Variants in NAPG observed in about 807,000 individuals in gnomAD.
NAPG encodes the protein gamma-soluble NSF attachment protein.
NAPG carries 25 observed loss-of-function variants against 48.4 expected under a neutral mutation model. The ratio of observed to expected loss-of-function variants is 0.52; its 90% CI spans 0.38 to 0.72. NAPG has a LOEUF of 0.72. NAPG is among the 30% of genes least tolerant of loss of function. The pLI, the probability that NAPG is intolerant of heterozygous loss-of-function variation, is 0.00. For missense variants in NAPG, 359 were observed against 372.5 expected (o/e 0.96, Z 0.30); for synonymous variants, 139 against 127.2 (o/e 1.09, Z -0.62).
At position 10,534,208 on chromosome 18, in the gene NAPG, C is replaced by T. The variant is rs1182349771; in HGVS notation, c.228-258C>T. Among the ~76,000 whole-genome samples the T allele has an allele frequency of 2.0e-5, 3 of 152,270 alleles. No homozygotes were observed. Among genetic ancestry groups the T allele is most frequent in the Admixed American group, 2.0e-4 (3 of 15,296 alleles). ...GTTTGTCAGATGGAAATTAATTTAA[C>T]CTTACTGAGCCTTACTTAATTTTGC... On this transcript the variant is annotated intron_variant, in intron 4 of 11. Transcript: ENST00000322897. The surrounding 1 kb of genome is among the most constrained non-coding windows in gnomAD (Gnocchi z 5.0).
In NAPG at chr18:10,534,511, G is replaced by A; in HGVS notation, c.258+15G>A. The stretch of plus-strand genomic sequence containing the variant: ...TGATGTTGAAGGTCAGTAATGTTAT[G>A]TCACAATTGTTGTGTAGGTAAAATG... On this transcript the variant is annotated intron_variant, in intron 5 of 11. Transcript: ENST00000322897. The surrounding 1 kb of genome is among the most constrained non-coding windows in gnomAD (Gnocchi z 5.0). 6.2e-7 allele frequency: 1 copy of A among 1,611,818 alleles called. No individual in the cohort carries two copies.
chr18:10,550,821 A>C lies in NAPG; in HGVS notation c.*601A>C, dbSNP rs975997882. 1 of 152,214 alleles carries C rather than the reference A, an allele frequency of 6.6e-6. No individual in the cohort carries two copies. The highest frequency in any genetic ancestry group is 1.5e-5 in the Non-Finnish European group (1 of 68,064). 9.4% of individuals were successfully genotyped at this position (152,214 alleles called of 1,614,324 possible). On this transcript the variant is annotated 3_prime_UTR_variant, in exon 12 of 12. Transcript: ENST00000322897. Reference sequence around the variant, plus strand: ...CTCTTATATATTATGAGTTTGAAAAATTTTGAAGGTAGCATATTGAAGTGA... The same window carrying C: ...CTCTTATATATTATGAGTTTGAAAACTTTTGAAGGTAGCATATTGAAGTGA...
At chr18:10,533,449 T>G in intron 3 of NAPG, 87 bp from the exon 4 acceptor site, 2 of 1,211,830 alleles carry the variant, frequency 1.7e-6, no homozygotes. Context: ...GTCAGTGATT[T>G]AGTTAACTGT....
intron 8 of NAPG, 119 bp downstream of exon 8, chr18:10,540,518 G>T: frequency 1.5e-6 from 1 of 675,790 alleles, no homozygotes; most frequent in South Asian, 1.9e-5. Context: ...GACACACCAG[G>T]CCACACAATA....
intron 1 of NAPG, among the ~76,000 whole-genome samples, chr18:10,528,511 C>G (rs2031865519): frequency 6.6e-6 from 1 of 152,160 alleles, no homozygotes; most frequent in African/African-American, 2.4e-5. Context: ...GTGACTCTCC[C>G]ATGAAGGTAC....
chr18:10,541,332 A>T (rs2143126949), intron 8 of NAPG, among the ~76,000 whole-genome samples: 1 of 152,352 alleles, frequency 6.6e-6, no homozygotes, highest in African/African-American at 2.4e-5. Context: ...TTAATCATGA[A>T]GGAAAGTTTA....
chr18:10,534,583 G>A lies in NAPG; in HGVS notation c.258+87G>A. On this transcript the variant is annotated intron_variant, in intron 5 of 11. Transcript: ENST00000322897. This position sits in a 1 kb window ranked among gnomAD's most constrained non-coding sequence, Gnocchi z 5.0. Reference sequence around the variant, plus strand: ...CAAGAATTTTTGTTGAAGTTGAAAAGCTTCCTTACTGTAAGGCAAGAGGTG... The same window carrying A: ...CAAGAATTTTTGTTGAAGTTGAAAAACTTCCTTACTGTAAGGCAAGAGGTG... The A allele has an allele frequency of 7.7e-7, 1 of 1,296,966 alleles. No individual in the cohort carries two copies. The highest frequency in any genetic ancestry group is 1.1e-6 in the Non-Finnish European group (1 of 895,950). The allele number at this position is 1,296,966 out of a possible 1,614,324, so 80.3% of individuals were successfully genotyped here.
chr18:10,532,219 TA>T (rs140053622), intron 2 of NAPG, among the ~76,000 whole-genome samples: 1 of 152,100 alleles, frequency 6.6e-6, no homozygotes, highest in East Asian at 1.9e-4. Context: ...ATTGTTTTTT[TA>T]AAAAAATGCA....
chr18:10,528,192 AT>A (rs1192832372), intron 1 of NAPG, among the ~76,000 whole-genome samples: 5 of 152,230 alleles, frequency 3.3e-5, no homozygotes, highest in Non-Finnish European at 4.4e-5. Flanking sequence ...TATCAAAAAA[AT>A]AAATAAATAA....
chr18:10,529,121 G>A (rs1310213458), intron 1 of NAPG, among the ~76,000 whole-genome samples: 2 of 152,130 alleles, frequency 1.3e-5, no homozygotes, highest in Non-Finnish European at 2.9e-5. Context: ...GGGATGGTTT[G>A]CCCAGTTTTA....
chr18:10,548,472 A>C lies in NAPG; in HGVS notation c.665+94A>C. 9.9e-7 allele frequency: 1 copy of C among 1,009,298 alleles called. No individual in the cohort carries two copies. The highest frequency in any genetic ancestry group is 1.5e-6 in the Non-Finnish European group (1 of 653,502). 62.5% of individuals were successfully genotyped at this position (1,009,298 alleles called of 1,614,324 possible). On this transcript the variant is annotated intron_variant, in intron 10 of 11. Transcript: ENST00000322897. The surrounding 1 kb of genome is among the most constrained non-coding windows in gnomAD (Gnocchi z 4.4). ...CTAGGACACATGTTCCTGGCCATGA[A>C]ACTGTCATTTCTAAATCTTAGGAGT...
At position 10,550,280 on chromosome 18, in the gene NAPG, G is replaced by C; in HGVS notation, c.*60G>C. 6.6e-7 allele frequency: 1 copy of C among 1,522,700 alleles called. No individual in the cohort carries two copies. The highest frequency in any genetic ancestry group is 8.8e-7 in the Non-Finnish European group (1 of 1,136,542). The allele number at this position is 1,522,700 out of a possible 1,614,324, so 94.3% of individuals were successfully genotyped here. On this transcript the variant is annotated 3_prime_UTR_variant, in exon 12 of 12. Coordinates refer to ENST00000322897, the MANE Select transcript of NAPG (RefSeq NM_003826.3). ...GTAAAATCCTGACATGCCATTTCAA[G>C]GACTTGGGAATAGATTAGGGATATC...
chr18:10,547,565 T>C (rs2032295165), intron 9 of NAPG, among the ~76,000 whole-genome samples: 1 of 152,174 alleles, frequency 6.6e-6, no homozygotes. Flanking sequence ...ATTATTTTTA[T>C]AGAAACTATA....
At position 10,539,401 on chromosome 18, in the gene NAPG, C is replaced by G. The variant is rs2032100104; in HGVS notation, c.259-361C>G. 1 of 194,528 alleles carries G rather than the reference C, an allele frequency of 5.1e-6. No individual in the cohort carries two copies. Among genetic ancestry groups the G allele is most frequent in the African/African-American group, 2.4e-5 (1 of 42,398 alleles). 12.1% of individuals were successfully genotyped at this position (194,528 alleles called of 1,614,324 possible). ...GAAGCCATCATTCTTGGCAAACTAA[C>G]AAACACAGGAACAGAAAACCAAACA... On this transcript the variant is annotated intron_variant, in intron 5 of 11. Coordinates refer to ENST00000322897, the MANE Select transcript of NAPG (RefSeq NM_003826.3). This position sits in a 1 kb window ranked among gnomAD's most constrained non-coding sequence, Gnocchi z 4.7.
chr18:10,551,653 A>G lies in NAPG; in HGVS notation c.*1433A>G, dbSNP rs956681343. 2.0e-5 allele frequency: 3 copies of G among 152,178 alleles called. No homozygotes were observed. Among genetic ancestry groups the G allele is most frequent in the African/African-American group, 7.2e-5 (3 of 41,440 alleles). 9.4% of individuals were successfully genotyped at this position (152,178 alleles called of 1,614,324 possible). The stretch of plus-strand genomic sequence containing the variant: ...CCCTGTCTCTGTCTCTTTTAGAGTC[A>G]TACCTTATTTGAGTATAGGTTGCTT... On this transcript the variant is annotated 3_prime_UTR_variant, in exon 12 of 12. Coordinates refer to ENST00000322897, the MANE Select transcript of NAPG (RefSeq NM_003826.3).
chr18:10,531,331 T>C (rs1183671982), intron 2 of NAPG, among the ~76,000 whole-genome samples: 2 of 152,228 alleles, frequency 1.3e-5, no homozygotes, highest in Non-Finnish European at 2.9e-5. Flanking sequence ...TATATACATA[T>C]TTTAATCAAT....
chr18:10,527,878 CT>C (rs1459001351), intron 1 of NAPG, among the ~76,000 whole-genome samples: 8 of 152,132 alleles, frequency 5.3e-5, no homozygotes, highest in African/African-American at 1.9e-4. Context: ...GTTAGATTTG[CT>C]TTTGGTGAAA....
In NAPG at chr18:10,539,518, G is replaced by C. The variant is rs184354355; in HGVS notation, c.259-244G>C. 1.7e-5 allele frequency: 7 copies of C among 411,140 alleles called. No homozygotes were observed. The highest frequency in any genetic ancestry group is 8.1e-5 in the African/African-American group (4 of 49,400). 25.5% of individuals were successfully genotyped at this position (411,140 alleles called of 1,614,324 possible). A position where few individuals can be genotyped will look rare whatever the true frequency, so the allele number is the denominator to read the frequency against. On this transcript the variant is annotated intron_variant, in intron 5 of 11. Coordinates refer to ENST00000322897, the MANE Select transcript of NAPG (RefSeq NM_003826.3). This position sits in a 1 kb window ranked among gnomAD's most constrained non-coding sequence, Gnocchi z 4.7. ...CACACTCCTGGGCCTGTCGGGGGCT[G>C]GGGAATAAGGGGAGGGAGAGCACTA...
Position 10,549,532 on chromosome 18 carries a change from G to A in NAPG, c.795+436G>A, listed in dbSNP as rs551373523. Reference sequence around the variant, plus strand: ...GGTCATTAATTATCTCTAAGCCTCAGTTAATTCATTTGTAAAAATGAAGCC... The same window carrying A: ...GGTCATTAATTATCTCTAAGCCTCAATTAATTCATTTGTAAAAATGAAGCC... On this transcript the variant is annotated intron_variant, in intron 11 of 11. Coordinates refer to ENST00000322897, the MANE Select transcript of NAPG (RefSeq NM_003826.3). Among the ~76,000 whole-genome samples, 32 of 152,346 alleles carry A rather than the reference G, an allele frequency of 2.1e-4. No homozygotes were observed. In the South Asian group the frequency reaches 6.6e-3, roughly 32 times the overall value.
Sources: allele counts gnomAD v4.1 joint callset (sites outside exome capture counted in the v4.1 genomes callset), GRCh38; gene constraint gnomAD v4.1.1; non-coding constraint Gnocchi (gnomAD v3.1); transcripts MANE v1.5; gene names NCBI Gene and HGNC (gene_info 2026-07-23, HGNC 2026-07-21).